Variants in DDX19A observed in about 807,000 individuals in gnomAD.
DDX19A encodes the protein ATP-dependent RNA helicase DDX19A.
A neutral mutation model predicts 60.6 loss-of-function variants in DDX19A; 12 were observed. That is an observed-to-expected ratio of 0.20 (90% CI 0.13 to 0.32). DDX19A has a LOEUF of 0.32. Among genes scored for constraint, DDX19A ranks in the 10% least tolerant of loss-of-function variants. The pLI, the probability that DDX19A is intolerant of heterozygous loss-of-function variation, is 1.00. For synonymous variants in DDX19A, 206 were observed against 218.2 expected, an observed-to-expected ratio of 0.94 and a Z score of 0.49; for missense variants, 337 against 600.6, an observed-to-expected ratio of 0.56 and a Z score of 4.59.
rs1213070025 is a variant in DDX19A at position 70,366,106 on chromosome 16, G to T, written c.626G>T (p.Ser209Ile). 2 of 1,614,092 alleles carry T rather than the reference G, an allele frequency of 1.2e-6. No individual in the cohort carries two copies. The highest frequency in any genetic ancestry group is 2.7e-5 in the African/African-American group (2 of 74,936). Reference sequence around the variant, plus strand: ...ACAGTGGAAAGAGGCCAGAAGATCAGTGAGCAGATTGTCATTGGCACCCCT... The same window carrying T: ...ACAGTGGAAAGAGGCCAGAAGATCATTGAGCAGATTGTCATTGGCACCCCT... Reference protein sequence around the residue: ...GNKLERGQKISEQIVIGTPGT... With the variant: ...GNKLERGQKIIEQIVIGTPGT... The change falls in exon 8 of 12, where the codon AGT (serine) becomes ATT (isoleucine). Residue 209 changes from serine (S) to isoleucine (I), a missense_variant. This residue lies in a region of DDX19A where 62 missense variants were observed against 75.7 expected (regional missense o/e 0.82). Transcript: ENST00000302243.
Position 70,370,611 on chromosome 16 carries a change from G to T in DDX19A, c.1183+226G>T, listed in dbSNP as rs1964655247. 3 of 612,500 alleles carry T rather than the reference G, an allele frequency of 4.9e-6. No homozygotes were observed. The Admixed American group carries it at 1.1e-4, about 21-fold the overall frequency. The allele number at this position is 612,500 out of a possible 1,614,324, so 37.9% of individuals were successfully genotyped here. A position where few individuals can be genotyped will look rare whatever the true frequency, so the allele number is the denominator to read the frequency against. On this transcript the variant is annotated intron_variant, in intron 10 of 11. Transcript: ENST00000302243. The stretch of plus-strand genomic sequence containing the variant: ...CCTGCAATCCCAAGGCAGGAAAATT[G>T]CTTGAACCCTGGAGACAGAGGTTGC...
chr16:70,355,131 G>A (rs1383173598), intron 2 of DDX19A, among the ~76,000 whole-genome samples: 1 of 152,208 alleles, frequency 6.6e-6, no homozygotes, highest in Non-Finnish European at 1.5e-5. Context: ...CCAGCACTTT[G>A]GGAGGCCAAG....
At chr16:70,370,631 G>A (rs1964655764) in intron 10 of DDX19A, 1 of 489,972 alleles carries the variant, frequency 2.0e-6, no homozygotes, top group Admixed American at 3.7e-5. Flanking sequence ...TGGAGACAGA[G>A]GTTGCAGTGA....
chr16:70,365,343 A>T (rs74672881), intron 7 of DDX19A: 1 of 384,086 alleles, frequency 2.6e-6, no homozygotes, highest in East Asian at 4.9e-5. Flanking sequence ...AAAAAAAAAA[A>T]TCCACGCATG....
intron 8 of DDX19A, 128 bp downstream of exon 8, chr16:70,366,390 C>T (rs776976517): frequency 2.1e-4 from 302 of 1,411,404 alleles, no homozygotes; most frequent in Middle Eastern, 4.9e-4. Context: ...ATTTGTTTGA[C>T]GGGCCATTTC....
In DDX19A at chr16:70,355,469, T is replaced by C. The variant is rs369151668; in HGVS notation, c.107-16T>C. The C allele has an allele frequency of 3.9e-5, 62 of 1,605,434 alleles. No homozygotes were observed. Among genetic ancestry groups the C allele is most frequent in the Non-Finnish European group, 5.2e-5 (61 of 1,172,376 alleles). The stretch of plus-strand genomic sequence containing the variant: ...ATATTTGCCTTTCTAATTATGACAA[T>C]TGTTTTCTTGTGTAGGTATTATCAA... On this transcript the variant is annotated splice_polypyrimidine_tract_variant and intron_variant, in intron 2 of 11. Transcript: ENST00000302243.
At chr16:70,366,557 G>C (rs1964525868) in intron 8 of DDX19A, 67 bp from the exon 9 acceptor site, 15 of 1,594,214 alleles carry the variant, frequency 9.4e-6, no homozygotes, top group Non-Finnish European at 1.3e-5. Context: ...CCTCCCAGCT[G>C]GGGAGGCTGT....
In DDX19A at chr16:70,373,318, A is replaced by G. The variant is rs1344986609; in HGVS notation, c.*1332A>G. 2 of 152,194 alleles carry G rather than the reference A, an allele frequency of 1.3e-5. No homozygotes were observed. The highest frequency in any genetic ancestry group is 2.9e-5 in the Non-Finnish European group (2 of 68,036). The allele number at this position is 152,194 out of a possible 1,614,324, so 9.4% of individuals were successfully genotyped here. ...TTAAAGTAATTATGAGAAACGCTCTACTAATGATTTGTTTTTATTTGTATT... is the reference window on the plus strand; with the variant it reads ...TTAAAGTAATTATGAGAAACGCTCTGCTAATGATTTGTTTTTATTTGTATT... On this transcript the variant is annotated 3_prime_UTR_variant, in exon 12 of 12. Coordinates refer to ENST00000302243, the MANE Select transcript of DDX19A (RefSeq NM_018332.5).
chr16:70,367,136 T>C (rs561100753), intron 9 of DDX19A, among the ~76,000 whole-genome samples: 1 of 152,066 alleles, frequency 6.6e-6, no homozygotes, highest in Admixed American at 6.6e-5. Context: ...AAATAAAAAA[T>C]TCAACAAGAT....
At chr16:70,370,081 C>T in intron 9 of DDX19A, 142 bp from the exon 10 acceptor site, 1 of 1,200,752 alleles carries the variant, frequency 8.3e-7, no homozygotes, top group Admixed American at 2.9e-5. Context: ...CCTGTACTCC[C>T]AGCCCTTTGG....
intron 5 of DDX19A, among the ~76,000 whole-genome samples, chr16:70,361,925 C>G (rs1303167883): frequency 6.6e-6 from 1 of 151,836 alleles, no homozygotes; most frequent in East Asian, 1.9e-4. Flanking sequence ...AATCCTAGCA[C>G]TTTGGGAGGC....
chr16:70,347,798 C>T (rs1265566690), intron 1 of DDX19A: 1 of 228,390 alleles, frequency 4.4e-6, no homozygotes, highest in Non-Finnish European at 9.1e-6. Context: ...TCAAGCGATT[C>T]TCCTGCCTCA....
intron 4 of DDX19A, among the ~76,000 whole-genome samples, chr16:70,357,871 C>G (rs1964260031): frequency 6.6e-6 from 1 of 152,004 alleles, no homozygotes; most frequent in Non-Finnish European, 1.5e-5. Flanking sequence ...GGATTCTTTG[C>G]CTTAGTTCAG....
chr16:70,353,599 T>C (rs1023647843), intron 2 of DDX19A, among the ~76,000 whole-genome samples: 3 of 152,062 alleles, frequency 2.0e-5, no homozygotes, highest in Non-Finnish European at 4.4e-5. Flanking sequence ...TCATTCTTGC[T>C]GATGGAAATA....
chr16:70,350,475 T>C, intron 1 of DDX19A, 82 bp from the exon 2 acceptor site: 1 of 1,043,720 alleles, frequency 9.6e-7, no homozygotes, highest in Non-Finnish European at 1.4e-6. Flanking sequence ...ACTAGACTTT[T>C]ACTAGAAAGT....
chr16:70,351,511 T>C (rs1964016869), intron 2 of DDX19A, among the ~76,000 whole-genome samples: 1 of 151,686 alleles, frequency 6.6e-6, no homozygotes, highest in East Asian at 1.9e-4. Context: ...TTGGCCTAAT[T>C]TTATTATTTA....
At chr16:70,355,361 A>C in intron 2 of DDX19A, 124 bp from the exon 3 acceptor site, 1 of 744,130 alleles carries the variant, frequency 1.3e-6, no homozygotes, top group Non-Finnish European at 2.2e-6. Context: ...GGGCTACAAG[A>C]GGAAAACTCC....
chr16:70,355,791 AT>A, intron 3 of DDX19A: 1 of 576,774 alleles, frequency 1.7e-6, no homozygotes, highest in Non-Finnish European at 3.1e-6. Context: ...CTGAGACCCC[AT>A]CTCTACAAAA....
chr16:70,361,602 T>A, intron 5 of DDX19A, 92 bp downstream of exon 5: 2 of 961,490 alleles, frequency 2.1e-6, no homozygotes, highest in Non-Finnish European at 3.2e-6. Flanking sequence ...AAGGAGCTGT[T>A]TGGGGCCACG....
Sources: gnomAD v4.1 joint callset for allele counts (sites outside exome capture counted in the v4.1 genomes callset) on GRCh38, gnomAD v4.1.1 for gene constraint, gnomAD v4.1.1 regional missense constraint, MANE v1.5 for transcripts, NCBI Gene and HGNC (gene_info 2026-07-23, HGNC 2026-07-21) for gene names.